The following EVC variants were observed in gnomAD, a reference collection of about 807,000 sequenced individuals.
The protein encoded by EVC is evC complex member EVC.
A neutral mutation model predicts 118.9 loss-of-function variants in EVC; 116 were observed. That is an observed-to-expected ratio of 0.98 (90% CI 0.84 to 1.14). The LOEUF (loss-of-function observed/expected upper bound fraction) is 1.14, where lower values mean the gene tolerates loss of function less well. EVC is among the 50% of genes most tolerant of loss of function. The pLI is 0.00. For missense variants in EVC, 1,401 were observed against 1,246.4 expected (o/e 1.12, Z -1.87); for synonymous variants, 619 against 534.7 (o/e 1.16, Z -2.18).
Position 5,798,846 on chromosome 4 carries a change from G to A in EVC, c.2304+54G>A, listed in dbSNP as rs184868105. ...ACCGAGGGCAAGAATGTTCAGGGTA[G>A]GGTCCATGCCTGGGTCTGCTCCTTG... On this transcript the variant is annotated intron_variant, in intron 15 of 20. Transcript: ENST00000264956. This position sits in a 1 kb window ranked among gnomAD's most constrained non-coding sequence, Gnocchi z 4.1. The A allele has an allele frequency of 2.8e-4, 444 of 1,565,594 alleles. 1 individual carries two copies. The highest frequency in any genetic ancestry group is 1.3e-3 in the Admixed American group (74 of 55,324).
At chr4:5,715,580 A>G (rs1327897793) in intron 1 of EVC, among the ~76,000 whole-genome samples, 3 of 152,104 alleles carry the variant, frequency 2.0e-5, no homozygotes, top group Non-Finnish European at 4.4e-5. Context: ...GCATGCCTGG[A>G]GCACATCCTT....
intron 4 of EVC, among the ~76,000 whole-genome samples, chr4:5,733,051 A>G (rs530711798): frequency 2.6e-5 from 4 of 152,162 alleles, no homozygotes; most frequent in African/African-American, 4.8e-5. Flanking sequence ...AAAATACTCA[A>G]AGGAGGAAAC....
chr4:5,769,589 C>T (rs1733629291), intron 11 of EVC, among the ~76,000 whole-genome samples: 1 of 152,182 alleles, frequency 6.6e-6, no homozygotes. Context: ...TGCACCAAAG[C>T]CAGTGTCATC....
downstream of EVC, among the ~76,000 whole-genome samples, chr4:5,818,364 C>G (rs1353171782): frequency 1.3e-5 from 2 of 152,142 alleles, no homozygotes; most frequent in East Asian, 3.8e-4. Context: ...GGGCCAGAAC[C>G]ACCCCTTCCT....
chr4:5,782,569 A>G (rs1027025637), intron 11 of EVC, among the ~76,000 whole-genome samples: 5 of 107,800 alleles, frequency 4.6e-5, no homozygotes, highest in Non-Finnish European at 9.3e-5. Context: ...AAAAAAAAAG[A>G]TGTGAGCGGT....
At chr4:5,745,075 G>C in intron 6 of EVC, 129 bp from the exon 7 acceptor site, 1 of 869,888 alleles carries the variant, frequency 1.1e-6, no homozygotes, top group Non-Finnish European at 1.7e-6. Context: ...ACAACCCCCA[G>C]AGCATTTAAC....
chr4:5,747,586 CAATT>C (rs1446322723), intron 7 of EVC, among the ~76,000 whole-genome samples: 3 of 152,296 alleles, frequency 2.0e-5, no homozygotes, highest in African/African-American at 7.2e-5. Flanking sequence ...TGTGATGACT[CAATT>C]AAACCTCCTG....
In EVC at chr4:5,711,477, C is replaced by T; in HGVS notation, c.97C>T (p.Leu33=). 6 of 1,087,414 alleles carry T rather than the reference C, an allele frequency of 5.5e-6. No homozygotes were observed. The highest frequency in any genetic ancestry group is 6.7e-6 in the Non-Finnish European group (6 of 898,060). 67.4% of individuals were successfully genotyped at this position (1,087,414 alleles called of 1,614,324 possible). The part of the protein sequence containing the change: ...PAPALLAPAV[L]LGAALGLGLG... ...GCCCGCCCTGCTGGCCCCCGCCGTG[C>T]TGCTGGGCGCCGCGCTCGGCCTCGG... is the stretch of plus-strand genomic sequence containing the variant. Residue 33 remains leucine, a synonymous_variant, in exon 1 of 21, where the codon CTG becomes TTG. Transcript: ENST00000264956.
intron 11 of EVC, among the ~76,000 whole-genome samples, chr4:5,760,204 T>G (rs1731795887): frequency 6.6e-6 from 1 of 152,040 alleles, no homozygotes; most frequent in South Asian, 2.1e-4. Context: ...GCCCAATATA[T>G]TTTCCTTTCA....
intron 16 of EVC, among the ~76,000 whole-genome samples, chr4:5,803,731 A>G (rs1445611621): frequency 6.6e-6 from 1 of 152,204 alleles, no homozygotes; most frequent in Non-Finnish European, 1.5e-5. Flanking sequence ...GAGGCTATCC[A>G]GGTTCAGTCT....
At chr4:5,757,918 G>A (rs1422486372) in intron 11 of EVC, among the ~76,000 whole-genome samples, 1 of 152,160 alleles carries the variant, frequency 6.6e-6, no homozygotes, top group East Asian at 1.9e-4. Context: ...ACACAATTTA[G>A]TCCAAACAGT....
chr4:5,755,782 G>T lies in EVC; in HGVS notation c.1465-482G>T, dbSNP rs1447098940. ...AGGGCTGGCTGGGTCTCCCCCTGCT[G>T]ATGCCCGGGTTAGCCCAGTCTCCTG... On this transcript the variant is annotated intron_variant, in intron 10 of 20. Transcript: ENST00000264956. The surrounding 1 kb of genome is among the most constrained non-coding windows in gnomAD (Gnocchi z 4.1). Among the ~76,000 whole-genome samples the T allele has an allele frequency of 6.6e-6, 1 of 152,174 alleles. No individual in the cohort carries two copies. The highest frequency in any genetic ancestry group is 1.9e-4 in the East Asian group (1 of 5,174).
the EVC span, chr4:5,827,909 T>C: frequency 6.2e-6 from 3 of 482,348 alleles, no homozygotes; most frequent in African/African-American, 2.1e-5. Context: ...AAGTTAGGAA[T>C]AGAGCCTGCT....
chr4:5,784,418 A>G (rs1173997625), intron 12 of EVC, among the ~76,000 whole-genome samples: 1 of 152,142 alleles, frequency 6.6e-6, no homozygotes, highest in African/African-American at 2.4e-5. Flanking sequence ...GGAAAGGTCA[A>G]GGAGCACATT....
chr4:5,736,726 A>G (rs62298659), intron 5 of EVC, among the ~76,000 whole-genome samples: 38,953 of 151,986 alleles, frequency 0.26, 5,142 homozygotes, highest in Non-Finnish European at 0.27. Context: ...GGGACACCAC[A>G]TGCTGTGCCA....
At chr4:5,779,337 T>G (rs1349377770) in intron 11 of EVC, among the ~76,000 whole-genome samples, 2 of 144,222 alleles carry the variant, frequency 1.4e-5, no homozygotes, top group African/African-American at 2.6e-5. Flanking sequence ...CCTTTTTGGT[T>G]CCATATGAAC....
chr4:5,785,010 C>T (rs1736206916), intron 12 of EVC, among the ~76,000 whole-genome samples: 1 of 152,158 alleles, frequency 6.6e-6, no homozygotes, highest in Non-Finnish European at 1.5e-5. Context: ...TCTCCCCTGC[C>T]TTCGGCCCTC....
intron 11 of EVC, among the ~76,000 whole-genome samples, chr4:5,773,239 A>G (rs1474689867): frequency 1.3e-5 from 2 of 152,192 alleles, no homozygotes; most frequent in African/African-American, 4.8e-5. Flanking sequence ...GATCACAGTC[A>G]TGCTGTGTAA....
Position 5,798,896 on chromosome 4 carries a change from C to A in EVC, c.2304+104C>A. ...GCCACACCGTTCATGGAGCTTGTGG[C>A]CTAGTAGACTTTGCCTGACTTCTCC... On this transcript the variant is annotated intron_variant, in intron 15 of 20. Transcript: ENST00000264956. The surrounding 1 kb of genome is among the most constrained non-coding windows in gnomAD (Gnocchi z 4.1). The A allele has an allele frequency of 1.6e-6, 2 of 1,280,070 alleles. No homozygotes were observed. Among genetic ancestry groups the A allele is most frequent in the Non-Finnish European group, 2.2e-6 (2 of 901,506 alleles). The allele number at this position is 1,280,070 out of a possible 1,614,324, so 79.3% of individuals were successfully genotyped here. A position where few individuals can be genotyped will look rare whatever the true frequency, so the allele number is the denominator to read the frequency against.
Sources: gnomAD v4.1 joint callset for allele counts (sites outside exome capture counted in the v4.1 genomes callset) on GRCh38, gnomAD v4.1.1 for gene constraint, Gnocchi (gnomAD v3.1) non-coding constraint, MANE v1.5 for transcripts, NCBI Gene and HGNC (gene_info 2026-07-23, HGNC 2026-07-21) for gene names.